Variants in ANK3 observed in about 807,000 individuals in gnomAD.
ANK3 encodes the protein ankyrin 3.
ANK3 carries 57 observed loss-of-function variants against 370.9 expected under a neutral mutation model. The ratio of observed to expected loss-of-function variants is 0.15; its 90% CI spans 0.12 to 0.19. ANK3 has a LOEUF of 0.19. Among genes scored for constraint, ANK3 ranks in the 10% least tolerant of loss-of-function variants. The probability of loss-of-function intolerance (pLI) is 1.00; values close to 1 mark genes in which losing one functional copy is unlikely to be tolerated. For missense variants in ANK3, 4,439 were observed against 5,302.1 expected (o/e 0.84, Z 5.06); for synonymous variants, 1,929 against 1,946.3 (o/e 0.99, Z 0.23).
At chr10:60,208,888 AG>A (rs1392013902) in intron 9 of ANK3, among the ~76,000 whole-genome samples, 1 of 152,230 alleles carries the variant, frequency 6.6e-6, no homozygotes, top group Admixed American at 6.5e-5. Context: ...GTCTATGATG[AG>A]GAAAGGCAAG....
intron 1 of ANK3, among the ~76,000 whole-genome samples, chr10:60,715,624 T>C (rs1298390828): frequency 4.6e-5 from 7 of 152,202 alleles, no homozygotes. Context: ...GACTTTGTAT[T>C]TCTTTCTAAA....
intron 1 of ANK3, among the ~76,000 whole-genome samples, chr10:60,628,291 G>C (rs187043436): frequency 6.6e-6 from 1 of 152,284 alleles, no homozygotes; most frequent in Non-Finnish European, 1.5e-5. Context: ...CATTTTACCT[G>C]AAGCTACTCT....
chr10:60,483,356 C>T (rs541822376), intron 2 of ANK3, among the ~76,000 whole-genome samples: 1 of 152,154 alleles, frequency 6.6e-6, no homozygotes, highest in Non-Finnish European at 1.5e-5. Context: ...TCTAACACTT[C>T]CAAAATATTT....
intron 1 of ANK3, among the ~76,000 whole-genome samples, chr10:60,618,462 T>C (rs1004728598): frequency 2.0e-5 from 3 of 152,290 alleles, no homozygotes. Context: ...GTGGGACTTC[T>C]CCTTAGTCAT....
At chr10:60,305,066 G>A (rs917656202) in intron 1 of ANK3, among the ~76,000 whole-genome samples, 1 of 152,170 alleles carries the variant, frequency 6.6e-6, no homozygotes, top group Non-Finnish European at 1.5e-5. Context: ...GAATTGCCAT[G>A]AGTTGATGCT....
intron 23 of ANK3, among the ~76,000 whole-genome samples, chr10:60,141,583 T>TG (rs2094569653): frequency 6.7e-6 from 1 of 148,574 alleles, no homozygotes; most frequent in Non-Finnish European, 1.5e-5. Flanking sequence ...TTTTTTTTTT[T>TG]TTTGCTTCCC....
intron 2 of ANK3, among the ~76,000 whole-genome samples, chr10:60,439,757 CTG>C (rs1367998477): frequency 6.6e-6 from 1 of 152,190 alleles, no homozygotes; most frequent in Non-Finnish European, 1.5e-5. Context: ...TTTCACCTCT[CTG>C]GGCTTTAGTT....
At chr10:60,513,627 A>C (rs1254207303) in intron 2 of ANK3, among the ~76,000 whole-genome samples, 1 of 152,170 alleles carries the variant, frequency 6.6e-6, no homozygotes, top group Non-Finnish European at 1.5e-5. Flanking sequence ...TCAATTTGAC[A>C]ACAAATCAAT....
rs1167029030 is a variant in ANK3 at position 60,465,585 on chromosome 10, A to G, written c.96+149601T>C. On this transcript the variant is annotated intron_variant, in intron 2 of 43. Transcript: ENST00000373827. Reference sequence around the variant, plus strand: ...AAATTAAACCAGAGTGAAATGAGTAAGAAAGTGTGACTAGAGGGATATTGA... The same window carrying G: ...AAATTAAACCAGAGTGAAATGAGTAGGAAAGTGTGACTAGAGGGATATTGA... 3.3e-5 allele frequency among the ~76,000 whole-genome samples: 5 copies of G among 152,180 alleles called. No individual in the cohort carries two copies. In the East Asian group the frequency reaches 9.6e-4, roughly 29 times the overall value.
intron 2 of ANK3, among the ~76,000 whole-genome samples, chr10:60,438,228 T>C (rs1204387153): frequency 6.6e-6 from 1 of 151,932 alleles, no homozygotes; most frequent in Non-Finnish European, 1.5e-5. Flanking sequence ...TATATAAATA[T>C]GTATGTATGT....
chr10:60,219,501 G>A (rs573865938), intron 8 of ANK3, among the ~76,000 whole-genome samples: 177 of 152,254 alleles, frequency 1.2e-3, no homozygotes, highest in African/African-American at 3.9e-3. Context: ...GGCAATGTGC[G>A]TGAGAGAGAG....
intron 2 of ANK3, among the ~76,000 whole-genome samples, chr10:60,539,086 A>G (rs2076788145): frequency 6.6e-6 from 1 of 151,824 alleles, no homozygotes; most frequent in African/African-American, 2.4e-5. Context: ...CTGATAATAC[A>G]TTTTCAGAGA....
At chr10:60,137,320 TA>T (rs2094389078) in intron 24 of ANK3, 3 of 315,022 alleles carry the variant, frequency 9.5e-6, no homozygotes, top group Admixed American at 9.7e-5. Flanking sequence ...AGAAACACTA[TA>T]AAAGTGCCAT....
At position 60,421,591 on chromosome 10, in the gene ANK3, T is replaced by C. The variant is rs558437738; in HGVS notation, c.97-141952A>G. Among the ~76,000 whole-genome samples, 14 of 152,080 alleles carry C rather than the reference T, an allele frequency of 9.2e-5. No homozygotes were observed. The South Asian group carries it at 2.7e-3, about 29-fold the overall frequency. On this transcript the variant is annotated intron_variant, in intron 2 of 43. Transcript: ENST00000373827. ...ACTGCCAGAAGGTACTGGAGGTAGA[T>C]AGTGGCATGGTCTTGTGACTGACCT...
chr10:60,313,186 G>C (rs1273693037), intron 1 of ANK3, among the ~76,000 whole-genome samples: 1 of 152,152 alleles, frequency 6.6e-6, no homozygotes, highest in South Asian at 2.1e-4. Context: ...AGGACCCTGC[G>C]GATAACATGA....
chr10:60,171,587 A>G (rs914299576), intron 21 of ANK3, among the ~76,000 whole-genome samples: 2 of 152,176 alleles, frequency 1.3e-5, no homozygotes, highest in Admixed American at 6.5e-5. Flanking sequence ...GAATAACTCA[A>G]ATAAGCCTCT....
At chr10:60,366,513 C>G (rs758121784) in intron 1 of ANK3, among the ~76,000 whole-genome samples, 1 of 151,876 alleles carries the variant, frequency 6.6e-6, no homozygotes, top group African/African-American at 2.4e-5. Flanking sequence ...CTGCTTTCAC[C>G]ATGGATATGT....
At position 60,588,237 on chromosome 10, in the gene ANK3, T is replaced by C. The variant is rs550691682; in HGVS notation, c.96+26949A>G. Among the ~76,000 whole-genome samples, 491 of 150,746 alleles carry C rather than the reference T, an allele frequency of 3.3e-3. 4 individuals carry two copies. Among genetic ancestry groups the C allele is most frequent in the African/African-American group, 0.011 (465 of 41,134 alleles). On this transcript the variant is annotated intron_variant, in intron 2 of 43. Coordinates refer to the ANK3 transcript ENST00000373827. ...TCTCACTTTGTCACCCAGGCTGGAG[T>C]GCAGTGGCGCGATCTCAGCTCACTA... is the stretch of plus-strand genomic sequence containing the variant.
At chr10:60,684,364 TC>T in intron 1 of ANK3, 1 of 475,752 alleles carries the variant, frequency 2.1e-6, no homozygotes, top group African/African-American at 2.0e-5. Context: ...TCAGCACACC[TC>T]CCCAGCGGCT....
Sources: gnomAD v4.1 joint callset for allele counts (sites outside exome capture counted in the v4.1 genomes callset) on GRCh38, gnomAD v4.1.1 for gene constraint, MANE v1.5 for transcripts, NCBI Gene and HGNC (gene_info 2026-07-23, HGNC 2026-07-21) for gene names.